The following ENTPD5 variants were observed in gnomAD, a reference collection of about 807,000 sequenced individuals.
ENTPD5 encodes the protein nucleoside diphosphate phosphatase ENTPD5.
Under a neutral mutation model 60.2 loss-of-function variants are expected in ENTPD5, and 49 were observed. The ratio of observed to expected loss-of-function variants is 0.81; its 90% confidence interval spans 0.65 to 1.03. The LOEUF (loss-of-function observed/expected upper bound fraction) is 1.03, where lower values mean the gene tolerates loss of function less well. ENTPD5 is among the 50% of genes least tolerant of loss of function. ENTPD5 has a pLI of 0.00. For synonymous variants in ENTPD5, 187 were observed against 185.4 expected (o/e 1.01, Z -0.07); for missense variants, 480 against 507.6 (o/e 0.95, Z 0.52).
intron 3 of ENTPD5, among the ~76,000 whole-genome samples, chr14:74,001,477 G>A (rs2058504088): frequency 6.6e-6 from 1 of 151,482 alleles, no homozygotes; most frequent in South Asian, 2.1e-4. Flanking sequence ...ACTCCAGCCT[G>A]GGCAACAGAG....
chr14:74,008,454 T>A (rs1045748740), intron 3 of ENTPD5, among the ~76,000 whole-genome samples: 1 of 151,700 alleles, frequency 6.6e-6, no homozygotes, highest in Non-Finnish European at 1.5e-5. Context: ...AGTGGCACGA[T>A]CTTGGCTCAC....
chr14:73,974,499 C>A (rs2057355827), intron 11 of ENTPD5, among the ~76,000 whole-genome samples: 1 of 152,234 alleles, frequency 6.6e-6, no homozygotes, highest in Non-Finnish European at 1.5e-5. Flanking sequence ...TATCACAACA[C>A]TGGGACTGAA....
downstream of ENTPD5, among the ~76,000 whole-genome samples, chr14:73,957,191 A>G (rs1279821226): frequency 2.6e-5 from 4 of 151,034 alleles, no homozygotes; most frequent in Middle Eastern, 3.2e-3. Flanking sequence ...TCGGCCTCCC[A>G]GGTTCACACC....
chr14:73,987,277 A>T, intron 4 of ENTPD5: 1 of 625,354 alleles, frequency 1.6e-6, no homozygotes. Flanking sequence ...AATATTATGG[A>T]TCCCTGGAGT....
downstream of ENTPD5, chr14:73,956,246 T>G (rs1594794465): frequency 8.8e-6 from 3 of 339,726 alleles, no homozygotes; most frequent in Admixed American, 1.2e-4. Flanking sequence ...GAGAATGGCG[T>G]GAACCCAGGA....
downstream of ENTPD5, among the ~76,000 whole-genome samples, chr14:73,957,422 C>T (rs1223562269): frequency 6.6e-6 from 1 of 152,144 alleles, no homozygotes; most frequent in African/African-American, 2.4e-5. Context: ...GTATGACTGA[C>T]TGACATACAA....
intron 1 of ENTPD5, among the ~76,000 whole-genome samples, chr14:74,017,837 T>C (rs1158051634): frequency 2.0e-5 from 3 of 149,904 alleles, no homozygotes; most frequent in African/African-American, 7.4e-5. Context: ...TGAGCCGAGA[T>C]TGCGCCATTG....
chr14:74,017,669 T>C (rs532108368), intron 1 of ENTPD5, among the ~76,000 whole-genome samples: 4 of 151,314 alleles, frequency 2.6e-5, no homozygotes, highest in African/African-American at 9.7e-5. Flanking sequence ...GTGGATCACC[T>C]GAGGCCAGGA....
downstream of ENTPD5, chr14:73,960,738 A>G: frequency 2.0e-6 from 1 of 489,614 alleles, no homozygotes; most frequent in South Asian, 2.5e-5. Flanking sequence ...ATGCTGTGGA[A>G]GCATACAGGG....
At chr14:74,005,715 G>A (rs1415337142) in intron 3 of ENTPD5, among the ~76,000 whole-genome samples, 1 of 152,064 alleles carries the variant, frequency 6.6e-6, no homozygotes, top group African/African-American at 2.4e-5. Context: ...GCTGAGGTAG[G>A]AGGATCGCTA....
chr14:73,979,270 C>A (rs2057572194), intron 6 of ENTPD5, among the ~76,000 whole-genome samples: 1 of 152,112 alleles, frequency 6.6e-6, no homozygotes, highest in Non-Finnish European at 1.5e-5. Flanking sequence ...AGATTCCCTA[C>A]CTGCCTTTCC....
downstream of ENTPD5, chr14:73,962,897 A>G: frequency 1.6e-6 from 2 of 1,271,574 alleles, no homozygotes; most frequent in Non-Finnish European, 2.3e-6. Flanking sequence ...TACCTACGTG[A>G]TTATTATCTA....
chr14:73,973,765 A>G, intron 12 of ENTPD5, 112 bp downstream of exon 12: 3 of 849,038 alleles, frequency 3.5e-6, no homozygotes, highest in Non-Finnish European at 5.8e-6. Flanking sequence ...CTTTGGAATA[A>G]GTCCCTGCAA....
downstream of ENTPD5, chr14:73,961,944 TA>T: frequency 6.2e-7 from 1 of 1,609,562 alleles, no homozygotes. Flanking sequence ...AAACAGCTCT[TA>T]ATTTCTTTTG....
chr14:73,970,276 GA>G, intron 14 of ENTPD5, 151 bp from the exon 15 acceptor site: 1 of 538,698 alleles, frequency 1.9e-6, no homozygotes, highest in Non-Finnish European at 3.4e-6. Context: ...TGGATCACCT[GA>G]GGTCAGGAGT....
rs552020600 is a variant in ENTPD5 at position 73,988,157 on chromosome 14, C to G, written c.-55G>C. ...CTTTTGTTGCAGAAGCAATCCTGCT[C>G]GCACACCTGCAGAGGCTTATAGGAC... On this transcript the variant is annotated 5_prime_UTR_variant, in exon 4 of 16. Coordinates refer to ENST00000334696, the MANE Select transcript of ENTPD5 (RefSeq NM_001249.5). The G allele has an allele frequency of 1.9e-6, 3 of 1,553,048 alleles. No individual in the cohort carries two copies. The African/African-American group carries it at 4.1e-5, about 21-fold the overall frequency.
At position 74,011,523 on chromosome 14, in the gene ENTPD5, G is replaced by A. The variant is rs186026837; in HGVS notation, c.-130-373C>T. On this transcript the variant is annotated intron_variant, in intron 2 of 15. Transcript: ENST00000334696. ...CATAAGTAAAGTACACAGACTGGGC[G>A]CAGCAACTCACGCCTATAATCCTAG... Among the ~76,000 whole-genome samples the A allele has an allele frequency of 2.5e-4, 38 of 152,264 alleles. No homozygotes were observed. The East Asian group carries it at 6.8e-3, about 27-fold the overall frequency.
chr14:73,986,827 TCTA>T lies in ENTPD5; in HGVS notation c.281_283del (p.Val94del). ...TAAGAAACTCACCTGCTTAGGTTGA[TCTA>T]CAAAAGCAGAAAGTCCTGGCTTCAC... On this transcript the variant is annotated inframe_deletion, in exon 5 of 16. Coordinates refer to ENST00000334696, the MANE Select transcript of ENTPD5 (RefSeq NM_001249.5). The T allele has an allele frequency of 6.2e-7, 1 of 1,613,830 alleles. No individual in the cohort carries two copies. Among genetic ancestry groups the T allele is most frequent in the Non-Finnish European group, 8.5e-7 (1 of 1,179,720 alleles).
intron 3 of ENTPD5, among the ~76,000 whole-genome samples, chr14:74,007,422 G>A (rs553582403): frequency 3.9e-5 from 6 of 151,966 alleles, no homozygotes; most frequent in African/African-American, 9.7e-5. Flanking sequence ...TCAGGAGGCC[G>A]TGGCAGAAGA....
Sources: allele counts gnomAD v4.1 joint callset (sites outside exome capture counted in the v4.1 genomes callset), GRCh38; gene constraint gnomAD v4.1.1; transcripts MANE v1.5; gene names NCBI Gene and HGNC (gene_info 2026-07-23, HGNC 2026-07-21).